The following HCN1 variants were observed in gnomAD, a reference collection of about 807,000 sequenced individuals.
The protein encoded by HCN1 is hyperpolarization activated cyclic nucleotide gated potassium channel 1.
Under a neutral mutation model 78.9 loss-of-function variants are expected in HCN1, and 13 were observed. The observed-to-expected ratio is 0.16, with a 90% CI of 0.11 to 0.26. The LOEUF is 0.26. HCN1 is among the 10% of genes least tolerant of loss of function. The probability of loss-of-function intolerance (pLI) is 1.00; values close to 1 mark genes in which losing one functional copy is unlikely to be tolerated. For synonymous variants in HCN1, 552 were observed against 455.5 expected, an observed-to-expected ratio of 1.21 and a Z score of -2.70; for missense variants, 810 against 1,154.3, an observed-to-expected ratio of 0.70 and a Z score of 4.32.
intron 6 of HCN1, among the ~76,000 whole-genome samples, chr5:45,284,954 T>C (rs1343250070): frequency 6.6e-6 from 1 of 152,068 alleles, no homozygotes; most frequent in Non-Finnish European, 1.5e-5. Flanking sequence ...TATTAAACTC[T>C]AAGTGGAACT....
chr5:45,440,379 A>T (rs910825784), intron 3 of HCN1, among the ~76,000 whole-genome samples: 1 of 152,168 alleles, frequency 6.6e-6, no homozygotes, highest in Non-Finnish European at 1.5e-5. Flanking sequence ...TTTCCCCCCT[A>T]GAATAACATT....
At chr5:45,466,438 T>C (rs1365695975) in intron 2 of HCN1, among the ~76,000 whole-genome samples, 2 of 152,186 alleles carry the variant, frequency 1.3e-5, no homozygotes, top group African/African-American at 4.8e-5. Context: ...ATTCAAGACT[T>C]CTTAATACAC....
Position 45,350,094 on chromosome 5 carries a change from T to C in HCN1, c.1377+3006A>G, listed in dbSNP as rs1281343608. 3.9e-5 allele frequency among the ~76,000 whole-genome samples: 6 copies of C among 152,086 alleles called. No homozygotes were observed. The East Asian group carries it at 7.7e-4, about 20-fold the overall frequency. ...CAAAAAAAAGAATTTTAGACCAATA[T>C]CCTTGATGAACATTGATGCAAAAAG... On this transcript the variant is annotated intron_variant, in intron 5 of 7. Coordinates refer to ENST00000303230, the MANE Select transcript of HCN1 (RefSeq NM_021072.4).
At chr5:45,498,131 C>G (rs1021006273) in intron 2 of HCN1, among the ~76,000 whole-genome samples, 1 of 152,132 alleles carries the variant, frequency 6.6e-6, no homozygotes, top group African/African-American at 2.4e-5. Context: ...GAATGTTGGC[C>G]TGCCTTGCTA....
intron 1 of HCN1, among the ~76,000 whole-genome samples, chr5:45,691,140 T>A (rs1203630352): frequency 6.6e-6 from 1 of 152,104 alleles, no homozygotes. Context: ...AATATAATTT[T>A]CTTAAATGAA....
intron 6 of HCN1, among the ~76,000 whole-genome samples, chr5:45,269,554 T>G (rs1470613436): frequency 6.6e-6 from 1 of 152,130 alleles, no homozygotes; most frequent in Non-Finnish European, 1.5e-5. Context: ...AATTTAAAGT[T>G]TTTCATTAGG....
chr5:45,267,178 G>C lies in HCN1; in HGVS notation c.1694C>G (p.Ser565Cys). The C allele has an allele frequency of 6.2e-7, 1 of 1,613,984 alleles. No individual in the cohort carries two copies. Among genetic ancestry groups the C allele is most frequent in the Non-Finnish European group, 8.5e-7 (1 of 1,179,868 alleles). The stretch of plus-strand genomic sequence containing the variant: ...CAGGACCTCGTTGAAATTGTCCACG[G>C]AAAGTGAGTAAAGACGACAATATGT... The part of the protein sequence containing the change: ...ADTYCRLYSL[S>C]VDNFNEVLEE... Residue 565 changes from serine (S) to cysteine (C), a missense_variant, in exon 7 of 8, where the codon TCC becomes TGC. Ser to Cys is a moderately radical substitution (Grantham distance 112). Transcript: ENST00000303230.
In HCN1 at chr5:45,345,703, C is replaced by A. The variant is rs539426899; in HGVS notation, c.1377+7397G>T. ...TCAGCCTGGGCTTTATTGACCATAG[C>A]ACTTTCAGCATTTTGGTCAAAGCCA... On this transcript the variant is annotated intron_variant, in intron 5 of 7. Transcript: ENST00000303230. Among the ~76,000 whole-genome samples, 4 of 152,304 alleles carry A rather than the reference C, an allele frequency of 2.6e-5. 1 individual carries two copies. The South Asian group carries it at 8.3e-4, about 32-fold the overall frequency.
rs187691862 is a variant in HCN1 at position 45,486,676 on chromosome 5, C to T, written c.850-24669G>A. ...ACTTTAAAATATAACAATGTACTAA[C>T]AAACAAATGATGAAAAACTATCTTC... is the stretch of plus-strand genomic sequence containing the variant. On this transcript the variant is annotated intron_variant, in intron 2 of 7. Transcript: ENST00000303230. 1.5e-3 allele frequency among the ~76,000 whole-genome samples: 230 copies of T among 152,054 alleles called. 2 individuals carry two copies. The highest frequency in any genetic ancestry group is 5.2e-3 in the African/African-American group (216 of 41,526).
At chr5:45,589,712 C>G (rs941702608) in intron 2 of HCN1, among the ~76,000 whole-genome samples, 16 of 151,912 alleles carry the variant, frequency 1.1e-4, no homozygotes, top group Non-Finnish European at 1.9e-4. Context: ...TTTTAATGGC[C>G]AATAGTAATA....
At chr5:45,545,158 G>C (rs1743185628) in intron 2 of HCN1, among the ~76,000 whole-genome samples, 1 of 152,030 alleles carries the variant, frequency 6.6e-6, no homozygotes, top group Non-Finnish European at 1.5e-5. Context: ...GTGTGAGATG[G>C]TATCTCATTG....
At chr5:45,352,100 C>T (rs369329382) in intron 5 of HCN1, among the ~76,000 whole-genome samples, 5 of 151,978 alleles carry the variant, frequency 3.3e-5, no homozygotes, top group African/African-American at 1.2e-4. Context: ...GGCACTATTC[C>T]CAATAGCAAA....
chr5:45,548,483 C>A (rs570329112), intron 2 of HCN1, among the ~76,000 whole-genome samples: 1 of 151,742 alleles, frequency 6.6e-6, no homozygotes, highest in Non-Finnish European at 1.5e-5. Flanking sequence ...TAGGTACTCA[C>A]GGGACATATC....
chr5:45,531,914 C>T (rs1742859999), intron 2 of HCN1, among the ~76,000 whole-genome samples: 1 of 152,096 alleles, frequency 6.6e-6, no homozygotes, highest in Non-Finnish European at 1.5e-5. Context: ...GCAGTGTGCA[C>T]TTGTGGTCCC....
chr5:45,391,446 C>A (rs564336888), intron 4 of HCN1, among the ~76,000 whole-genome samples: 42 of 152,156 alleles, frequency 2.8e-4, no homozygotes, highest in African/African-American at 9.9e-4. Context: ...CAGGATGTAA[C>A]TTTTTTCTTT....
intron 5 of HCN1, among the ~76,000 whole-genome samples, chr5:45,337,613 T>C (rs1746490645): frequency 6.6e-6 from 1 of 152,142 alleles, no homozygotes; most frequent in South Asian, 2.1e-4. Flanking sequence ...GTTGGAGTCA[T>C]AGAGGAAGTT....
intron 4 of HCN1, among the ~76,000 whole-genome samples, chr5:45,388,366 GAGA>G (rs1486795077): frequency 2.0e-5 from 3 of 152,090 alleles, no homozygotes; most frequent in African/African-American, 7.2e-5. Flanking sequence ...AATAAACCAT[GAGA>G]AGAAGTAATA....
chr5:45,346,980 A>G (rs528196840), intron 5 of HCN1, among the ~76,000 whole-genome samples: 57 of 152,306 alleles, frequency 3.7e-4, no homozygotes, highest in African/African-American at 1.3e-3. Context: ...TGCAGACTTA[A>G]ATGTCCCTGT....
intron 4 of HCN1, among the ~76,000 whole-genome samples, chr5:45,385,451 A>C (rs1023894531): frequency 1.3e-5 from 2 of 152,140 alleles, no homozygotes; most frequent in African/African-American, 4.8e-5. Context: ...GTTGAAAGCT[A>C]TAATATTACT....
Sources: gnomAD v4.1 joint callset for allele counts (sites outside exome capture counted in the v4.1 genomes callset) on GRCh38, gnomAD v4.1.1 for gene constraint, MANE v1.5 for transcripts, NCBI Gene and HGNC (gene_info 2026-07-23, HGNC 2026-07-21) for gene names.